Variants in SYDE2 observed in about 807,000 individuals in gnomAD.
SYDE2 encodes the protein rho GTPase-activating protein SYDE2.
In SYDE2, 76 loss-of-function variants were observed where a neutral mutation model predicts 91.5. That is an observed-to-expected ratio of 0.83 (90% CI 0.69 to 1.01). The LOEUF (loss-of-function observed/expected upper bound fraction) is 1.01, where lower values mean the gene tolerates loss of function less well. Among genes scored for constraint, SYDE2 ranks in the 50% least tolerant of loss-of-function variants. SYDE2 has a pLI of 0.00. For missense variants in SYDE2, 1,364 were observed against 1,367.7 expected, an observed-to-expected ratio of 1.00 and a Z score of 0.04; for synonymous variants, 513 against 506.4, an observed-to-expected ratio of 1.01 and a Z score of -0.18.
chr1:85,200,979 A>C lies in SYDE2; in HGVS notation c.18T>G (p.Pro6=). ...TGCCGCCCCGCCGCGCGCCCGAGTC[A>C]GGGGGCAGGTCGTGCATGGCCTGGA... The part of the protein sequence containing the change: MHDLP[P]DSGARRGGRG... Residue 6 remains proline (P), a synonymous_variant, in exon 1 of 7, where the codon CCT becomes CCG. Coordinates refer to ENST00000341460, the MANE Select transcript of SYDE2 (RefSeq NM_032184.2). 1 of 1,302,664 alleles carries C rather than the reference A, an allele frequency of 7.7e-7. No individual in the cohort carries two copies. Among genetic ancestry groups the C allele is most frequent in the African/African-American group, 1.5e-5 (1 of 64,710 alleles). 80.7% of individuals were successfully genotyped at this position (1,302,664 alleles called of 1,614,324 possible).
chr1:85,196,920 A>C (rs1658607678), intron 1 of SYDE2, among the ~76,000 whole-genome samples: 1 of 152,230 alleles, frequency 6.6e-6, no homozygotes, highest in Admixed American at 6.5e-5. Context: ...AAAATTTTAG[A>C]CAAAATACTA....
intron 1 of SYDE2, among the ~76,000 whole-genome samples, chr1:85,192,502 C>A (rs188857028): frequency 2.0e-5 from 3 of 152,066 alleles, no homozygotes; most frequent in African/African-American, 4.8e-5. Context: ...AATAAACAAA[C>A]CTTAAACACA....
intron 6 of SYDE2, among the ~76,000 whole-genome samples, chr1:85,161,649 C>T (rs1326616923): frequency 4.0e-5 from 6 of 150,724 alleles, no homozygotes; most frequent in African/African-American, 1.5e-4. Context: ...CTGCTTGAAC[C>T]TGAGAGGCAA....
chr1:85,178,118 A>C, intron 4 of SYDE2, 28 bp downstream of exon 4: 1 of 1,513,096 alleles, frequency 6.6e-7, no homozygotes, highest in Non-Finnish European at 9.0e-7. Context: ...TTCCAGAAAG[A>C]GTACATAAAA....
Position 85,190,474 on chromosome 1 carries a change from C to T in SYDE2, c.1024G>A (p.Val342Ile), listed in dbSNP as rs753468698. Reference sequence around the variant, plus strand: ...AATGAAGAGTTTGTAGCGTTACATACCACATATGTACAGTACTCTTTAGAT... The same window carrying T: ...AATGAAGAGTTTGTAGCGTTACATATCACATATGTACAGTACTCTTTAGAT... ...KSSKEYCTYVVCNATNSSLSK... is the reference protein window; with the variant it reads ...KSSKEYCTYVICNATNSSLSK... The change falls in exon 2 of 7, where the codon GTA becomes ATA. Residue 342 changes from valine to isoleucine, a missense_variant. Transcript: ENST00000341460. 1 of 1,613,900 alleles carries T rather than the reference C, an allele frequency of 6.2e-7. No homozygotes were observed. The highest frequency in any genetic ancestry group is 8.5e-7 in the Non-Finnish European group (1 of 1,179,838).
rs1292874619 is a variant in SYDE2 at position 85,157,378 on chromosome 1, A to C, written c.*1372T>G. On this transcript the variant is annotated 3_prime_UTR_variant, in exon 7 of 7. Transcript: ENST00000341460. ...ATTGTATATATACTTAGCCAAAATA[A>C]GTTAATTTTTAAAAATCAGTAACAT... The C allele has an allele frequency of 6.6e-6, 1 of 152,186 alleles. No homozygotes were observed. Among genetic ancestry groups the C allele is most frequent in the Non-Finnish European group, 1.5e-5 (1 of 67,982 alleles). The allele number at this position is 152,186 out of a possible 1,614,324, so 9.4% of individuals were successfully genotyped here.
chr1:85,200,411 A>G lies in SYDE2; in HGVS notation c.586T>C (p.Tyr196His), dbSNP rs1393300654. Reference sequence around the variant, plus strand: ...CCCAGGGACAGCAGACGCCCTTTGTACATCCACTTCTGCAGCTTCTTGACT... The same window carrying G: ...CCCAGGGACAGCAGACGCCCTTTGTGCATCCACTTCTGCAGCTTCTTGACT... The part of the protein sequence containing the change: ...VTVKKLQKWM[Y>H]KGRLLSLGMK... Residue 196 changes from tyrosine to histidine, a missense_variant, in exon 1 of 7, where the codon TAC becomes CAC. Physicochemically the swap from Tyr to His is moderately conservative, Grantham distance 83 (BLOSUM62 2). Coordinates refer to ENST00000341460, the MANE Select transcript of SYDE2 (RefSeq NM_032184.2). 6.2e-7 allele frequency: 1 copy of G among 1,613,904 alleles called. No individual in the cohort carries two copies. The highest frequency in any genetic ancestry group is 8.5e-7 in the Non-Finnish European group (1 of 1,179,906).
chr1:85,197,535 A>G (rs1359283963), intron 1 of SYDE2, among the ~76,000 whole-genome samples: 1 of 152,246 alleles, frequency 6.6e-6, no homozygotes, highest in Non-Finnish European at 1.5e-5. Flanking sequence ...GCTCCAAATA[A>G]GTTTTGCAGA....
At chr1:85,172,660 CACA>C (rs1442019196) in intron 4 of SYDE2, among the ~76,000 whole-genome samples, 1 of 152,088 alleles carries the variant, frequency 6.6e-6, no homozygotes. Context: ...GAAGTGTGCC[CACA>C]ACAACCACAG....
intron 6 of SYDE2, chr1:85,160,686 T>C (rs1243392045): frequency 2.0e-6 from 2 of 985,340 alleles, no homozygotes; most frequent in African/African-American, 3.5e-5. Flanking sequence ...CTATTCCTTT[T>C]CTTTTTAGTG....
intron 1 of SYDE2, among the ~76,000 whole-genome samples, chr1:85,198,515 C>T (rs1480529607): frequency 1.3e-5 from 2 of 152,014 alleles, no homozygotes; most frequent in Non-Finnish European, 2.9e-5. Context: ...ATTATGGTAG[C>T]TTTGGCTTAG....
intron 5 of SYDE2, among the ~76,000 whole-genome samples, chr1:85,167,412 A>G (rs2100651370): frequency 6.6e-6 from 1 of 152,352 alleles, no homozygotes; most frequent in South Asian, 2.1e-4. Context: ...GAATACTGAT[A>G]AATTATGTTG....
At chr1:85,191,195 C>T (rs929797757) in intron 1 of SYDE2, among the ~76,000 whole-genome samples, 1 of 152,110 alleles carries the variant, frequency 6.6e-6, no homozygotes, top group Admixed American at 6.6e-5. Context: ...GATTAACTTT[C>T]AAACCTAACA....
intron 5 of SYDE2, among the ~76,000 whole-genome samples, chr1:85,168,419 C>T (rs946469891): frequency 3.9e-4 from 60 of 152,324 alleles, no homozygotes; most frequent in African/African-American, 1.4e-3. Context: ...CCCAGTCATA[C>T]ATTTCTCCTA....
intron 5 of SYDE2, among the ~76,000 whole-genome samples, chr1:85,165,716 T>C (rs1311922798): frequency 6.6e-6 from 1 of 151,766 alleles, no homozygotes. Context: ...GGGAGTTGGC[T>C]CAAAAAGTGG....
At chr1:85,159,980 C>T in intron 6 of SYDE2, 2 of 982,980 alleles carry the variant, frequency 2.0e-6, no homozygotes, top group Non-Finnish European at 2.4e-6. Flanking sequence ...TTGTGCTAGC[C>T]ATATAGACGA....
At chr1:85,163,141 C>G (rs1308606257) in intron 6 of SYDE2, among the ~76,000 whole-genome samples, 2 of 148,624 alleles carry the variant, frequency 1.3e-5, no homozygotes, top group Non-Finnish European at 3.0e-5. Context: ...GAGTCTCACG[C>G]TGTCCCCCAG....
At chr1:85,189,572 A>G (rs1459481100) in intron 2 of SYDE2, among the ~76,000 whole-genome samples, 1 of 152,232 alleles carries the variant, frequency 6.6e-6, no homozygotes, top group Non-Finnish European at 1.5e-5. Context: ...ACAATGGCTC[A>G]CACTTATAAT....
At chr1:85,179,819 C>A (rs1221489036) in intron 3 of SYDE2, among the ~76,000 whole-genome samples, 3 of 147,638 alleles carry the variant, frequency 2.0e-5, no homozygotes, top group Admixed American at 6.7e-5. Context: ...AACGATGTAT[C>A]CCCTTAAACT....
Sources: allele counts gnomAD v4.1 joint callset (sites outside exome capture counted in the v4.1 genomes callset), GRCh38; gene constraint gnomAD v4.1.1; transcripts MANE v1.5; gene names NCBI Gene and HGNC (gene_info 2026-07-23, HGNC 2026-07-21).